TP63: variants seen among roughly 807,000 people sequenced by gnomAD.
TP63 encodes tumor protein 63.
A neutral mutation model predicts 82.8 loss-of-function variants in TP63; 17 were observed. That is an observed-to-expected ratio of 0.21 (90% CI 0.14 to 0.31). TP63 has a LOEUF of 0.31. Ranked by LOEUF, TP63 falls within the 10% of genes least tolerant of loss-of-function variation. The pLI, the probability that TP63 is intolerant of heterozygous loss-of-function variation, is 1.00. For synonymous variants in TP63, 330 were observed against 321.7 expected (o/e 1.03, Z -0.28); for missense variants, 648 against 895.3 (o/e 0.72, Z 3.52).
intron 3 of TP63, among the ~76,000 whole-genome samples, chr3:189,741,317 A>T (rs1475900706): frequency 6.6e-6 from 1 of 152,172 alleles, no homozygotes; most frequent in Non-Finnish European, 1.5e-5. Context: ...GTGGAAGGAC[A>T]CAAAAATGGA....
intron 1 of TP63, among the ~76,000 whole-genome samples, chr3:189,643,671 C>G (rs770397010): frequency 5.3e-5 from 8 of 152,148 alleles, no homozygotes; most frequent in Non-Finnish European, 8.8e-5. Context: ...CTTTCCATCT[C>G]TGTTCTTTTT....
In TP63 at chr3:189,704,082, G is replaced by A. The variant is rs111313689; in HGVS notation, c.63-33658G>A. ...TGGACAACTAGGCCATACATATCCT[G>A]TTTCCACTTACTAACCAGATACTAC... On this transcript the variant is annotated intron_variant, in intron 1 of 13. Transcript: ENST00000264731. Among the ~76,000 whole-genome samples, 1,479 of 152,332 alleles carry A rather than the reference G, an allele frequency of 9.7e-3. 32 individuals are homozygous for A. The highest frequency in any genetic ancestry group is 0.034 in the African/African-American group (1,398 of 41,570).
At chr3:189,687,039 G>T (rs1169540423) in intron 1 of TP63, among the ~76,000 whole-genome samples, 1 of 151,980 alleles carries the variant, frequency 6.6e-6, no homozygotes, top group Non-Finnish European at 1.5e-5. Context: ...AAGGGTCAGG[G>T]TTTTTAATGC....
At chr3:189,800,787 C>G (rs778201328) in intron 3 of TP63, among the ~76,000 whole-genome samples, 1 of 152,156 alleles carries the variant, frequency 6.6e-6, no homozygotes, top group Non-Finnish European at 1.5e-5. Context: ...CACTTGAACA[C>G]TCTAAGACAC....
Position 189,890,642 on chromosome 3 carries a change from A to C in TP63, c.1653-147A>C, listed in dbSNP as rs767685588. 3.0e-5 allele frequency: 21 copies of C among 689,860 alleles called. 1 individual carries two copies. The highest frequency in any genetic ancestry group is 2.8e-4 in the South Asian group (17 of 60,782). 42.7% of individuals were successfully genotyped at this position (689,860 alleles called of 1,614,324 possible). A position where few individuals can be genotyped will look rare whatever the true frequency, so the allele number is the denominator to read the frequency against. On this transcript the variant is annotated intron_variant, in intron 12 of 13. Coordinates refer to ENST00000264731, the MANE Select transcript of TP63 (RefSeq NM_003722.5). ...CAGTAATCTCCAGACCTCAGACTTA[A>C]GGCCCACATATATATTACCCAATCC...
intron 3 of TP63, among the ~76,000 whole-genome samples, chr3:189,787,201 T>C (rs1724676799): frequency 6.6e-6 from 1 of 152,104 alleles, no homozygotes; most frequent in Admixed American, 6.6e-5. Flanking sequence ...GCTTGACTAC[T>C]TCACTTGTAC....
At chr3:189,671,453 T>G (rs1227974650) in intron 1 of TP63, among the ~76,000 whole-genome samples, 1 of 152,036 alleles carries the variant, frequency 6.6e-6, no homozygotes, top group East Asian at 1.9e-4. Flanking sequence ...GATAAATTAG[T>G]ACAGCCATTA....
rs376587280 is a variant in TP63 at position 189,765,536 on chromosome 3, C to A, written c.324+26762C>A. On this transcript the variant is annotated intron_variant, in intron 3 of 13. Coordinates refer to ENST00000264731, the MANE Select transcript of TP63 (RefSeq NM_003722.5). ...CTGCAAGCTCCGCCTCCCGGGTTCA[C>A]GCCATTCTGCCTCAGCCTCCCGAGT... 1.4e-3 allele frequency among the ~76,000 whole-genome samples: 212 copies of A among 147,438 alleles called. 1 individual carries two copies. The highest frequency in any genetic ancestry group is 5.1e-3 in the African/African-American group (206 of 40,072).
chr3:189,750,512 G>A (rs1042426614), intron 3 of TP63, among the ~76,000 whole-genome samples: 2 of 152,110 alleles, frequency 1.3e-5, no homozygotes, highest in African/African-American at 4.8e-5. Flanking sequence ...AAATACTCAA[G>A]GTATCGAATA....
At chr3:189,730,024 C>A (rs1418797308) in intron 1 of TP63, among the ~76,000 whole-genome samples, 2 of 152,118 alleles carry the variant, frequency 1.3e-5, no homozygotes, top group Admixed American at 1.3e-4. Context: ...GTCAGGAATG[C>A]TTCTGAAGCT....
intron 1 of TP63, among the ~76,000 whole-genome samples, chr3:189,677,137 G>A (rs889507486): frequency 3.3e-5 from 5 of 151,320 alleles, no homozygotes; most frequent in African/African-American, 1.2e-4. Flanking sequence ...GTTCATCCAT[G>A]TTACTGGAAA....
intron 1 of TP63, among the ~76,000 whole-genome samples, chr3:189,674,764 C>CT (rs1294286067): frequency 2.6e-5 from 4 of 152,130 alleles, no homozygotes; most frequent in East Asian, 1.9e-4. Flanking sequence ...AGATGGGACT[C>CT]TATCAATGTG....
intron 1 of TP63, among the ~76,000 whole-genome samples, chr3:189,724,256 A>G (rs1719608907): frequency 2.6e-5 from 4 of 152,048 alleles, no homozygotes; most frequent in African/African-American, 2.4e-5. Context: ...TCAAGGTTCT[A>G]TAGTGTTAAA....
the TP63 span, among the ~76,000 whole-genome samples, chr3:189,617,618 G>A: frequency 6.6e-6 from 1 of 152,104 alleles, no homozygotes; most frequent in African/African-American, 2.4e-5. Flanking sequence ...TACTTACCCC[G>A]TTCAACATTC....
In TP63 at chr3:189,868,698, G is replaced by A. The variant is rs556383197; in HGVS notation, c.1111G>A (p.Gly371Ser). The A allele has an allele frequency of 2.7e-5, 43 of 1,614,046 alleles. No individual in the cohort carries two copies. Among genetic ancestry groups the A allele is most frequent in the African/African-American group, 8.0e-5 (6 of 75,022 alleles). ...GCAAGTTTCGGACAGTACAAAGAAC[G>A]GTGATGGTACGAAGCGCCGTAAGTA... is the stretch of plus-strand genomic sequence containing the variant. ...KQQVSDSTKN[G>S]DGTKRPFRQN... The change falls in exon 8 of 14, where the codon GGT becomes AGT. Residue 371 changes from glycine to serine, a missense_variant. Coordinates refer to ENST00000264731, the MANE Select transcript of TP63 (RefSeq NM_003722.5).
intron 1 of TP63, among the ~76,000 whole-genome samples, chr3:189,729,050 G>A (rs902674398): frequency 6.6e-6 from 1 of 152,152 alleles, no homozygotes; most frequent in African/African-American, 2.4e-5. Context: ...CACAAAAGGA[G>A]TAACCTAATG....
At chr3:189,778,982 C>T (rs1724025882) in intron 3 of TP63, among the ~76,000 whole-genome samples, 1 of 152,120 alleles carries the variant, frequency 6.6e-6, no homozygotes, top group Non-Finnish European at 1.5e-5. Context: ...TTTCCCATAG[C>T]TCGTGTGTGT....
the TP63 span, among the ~76,000 whole-genome samples, chr3:189,613,983 G>T: frequency 6.6e-6 from 1 of 152,204 alleles, no homozygotes; most frequent in Non-Finnish European, 1.5e-5. Flanking sequence ...GAAGGGGCTT[G>T]CCTTGTCTCA....
intron 1 of TP63, among the ~76,000 whole-genome samples, chr3:189,675,583 C>T (rs952169028): frequency 6.6e-5 from 10 of 152,072 alleles, no homozygotes; most frequent in African/African-American, 2.4e-4. Context: ...ATATTCCCAA[C>T]CCATAGATTT....
Sources: allele counts gnomAD v4.1 joint callset (sites outside exome capture counted in the v4.1 genomes callset), GRCh38; gene constraint gnomAD v4.1.1; transcripts MANE v1.5; gene names NCBI Gene and HGNC (gene_info 2026-07-23, HGNC 2026-07-21).